The following EMCN variants were observed in gnomAD, a reference collection of about 807,000 sequenced individuals.
EMCN encodes endomucin, also known as MUC-14.
In EMCN, 37 loss-of-function variants were observed where a neutral mutation model predicts 38.4. The observed-to-expected ratio is 0.96, with a 90% CI of 0.74 to 1.27. The LOEUF (loss-of-function observed/expected upper bound fraction) is 1.27. EMCN is among the 50% of genes most tolerant of loss of function. The pLI is 0.00. For synonymous variants in EMCN, 95 were observed against 100.8 expected, an observed-to-expected ratio of 0.94 and a Z score of 0.35; for missense variants, 318 against 302.8, an observed-to-expected ratio of 1.05 and a Z score of -0.37.
chr4:100,410,974 C>T (rs375916549), intron 10 of EMCN, among the ~76,000 whole-genome samples: 23 of 152,272 alleles, frequency 1.5e-4, no homozygotes, highest in Non-Finnish European at 2.9e-4. Flanking sequence ...CAATATATTT[C>T]GCATTACTTG....
intron 10 of EMCN, among the ~76,000 whole-genome samples, chr4:100,414,505 G>T (rs1435511941): frequency 1.3e-5 from 2 of 151,748 alleles, no homozygotes; most frequent in Non-Finnish European, 2.9e-5. Flanking sequence ...CCCTTCAGAT[G>T]GTTCCTCCTG....
At position 100,395,689 on chromosome 4, in the gene EMCN, C is replaced by T. The variant is rs1726102784; in HGVS notation, c.*2724G>A. ...TTCATCATCGAAGGTTTGACTATGT[C>T]CTCGGTTGATACTCATAAATTTAAA... On this transcript the variant is annotated 3_prime_UTR_variant, in exon 12 of 12. Coordinates refer to ENST00000296420, the MANE Select transcript of EMCN (RefSeq NM_016242.4). 6.6e-6 allele frequency: 1 copy of T among 152,064 alleles called. No homozygotes were observed. Among genetic ancestry groups the T allele is most frequent in the Non-Finnish European group, 1.5e-5 (1 of 68,004 alleles). 9.4% of individuals were successfully genotyped at this position (152,064 alleles called of 1,614,324 possible).
intron 11 of EMCN, 106 bp downstream of exon 11, chr4:100,410,176 C>A (rs746967839): frequency 9.7e-5 from 81 of 832,982 alleles, no homozygotes; most frequent in Non-Finnish European, 1.5e-4. Flanking sequence ...TGACACAAAC[C>A]ATTAGCTTTC....
intron 4 of EMCN, among the ~76,000 whole-genome samples, chr4:100,460,127 A>T (rs1454658146): frequency 1.3e-5 from 2 of 152,154 alleles, no homozygotes; most frequent in African/African-American, 4.8e-5. Flanking sequence ...TCTAACAGGT[A>T]TGAGGTGATA....
intron 3 of EMCN, chr4:100,473,851 C>T (rs767288519): frequency 2.6e-5 from 4 of 153,080 alleles, no homozygotes; most frequent in Non-Finnish European, 5.9e-5. Flanking sequence ...GTCATCTTCT[C>T]TTATTCTACA....
intron 3 of EMCN, among the ~76,000 whole-genome samples, chr4:100,472,683 A>G (rs1313029091): frequency 1.3e-5 from 2 of 152,072 alleles, no homozygotes; most frequent in Non-Finnish European, 1.5e-5. Flanking sequence ...AATCTTGGAT[A>G]AAAAAGAAAA....
In EMCN at chr4:100,496,109, T is replaced by A. The variant is rs74803135; in HGVS notation, c.65-16070A>T. Among the ~76,000 whole-genome samples the A allele has an allele frequency of 2.9e-3, 442 of 152,274 alleles. 4 individuals carry two copies. Among genetic ancestry groups the A allele is most frequent in the African/African-American group, 0.01 (424 of 41,574 alleles). On this transcript the variant is annotated intron_variant, in intron 1 of 11. Transcript: ENST00000296420. The stretch of plus-strand genomic sequence containing the variant: ...GACCTCAGTAGTGTTCAATGCTGAA[T>A]AAATATGGATTTATGATTTTTGTTT...
chr4:100,478,947 G>T (rs185492227), intron 2 of EMCN, among the ~76,000 whole-genome samples: 38 of 152,158 alleles, frequency 2.5e-4, no homozygotes, highest in Non-Finnish European at 5.0e-4. Context: ...TTCTGCTATG[G>T]AGGGCCCCAA....
rs181315608 is a variant in EMCN at position 100,485,242 on chromosome 4, T to C, written c.65-5203A>G. 1.5e-3 allele frequency among the ~76,000 whole-genome samples: 234 copies of C among 152,290 alleles called. 2 individuals are homozygous for C. The highest frequency in any genetic ancestry group is 1.2e-3 in the East Asian group (6 of 5,188). On this transcript the variant is annotated intron_variant, in intron 1 of 11. Transcript: ENST00000296420. ...GTCTTATTTCTACAAATTTATATGG[T>C]CTTCATGCATTGCTACCTTGTATTT... is the stretch of plus-strand genomic sequence containing the variant.
chr4:100,444,313 G>C (rs72690400), intron 5 of EMCN, among the ~76,000 whole-genome samples: 1 of 152,156 alleles, frequency 6.6e-6, no homozygotes, highest in Non-Finnish European at 1.5e-5. Flanking sequence ...TGTGGGGTAC[G>C]GTACTACATT....
At chr4:100,444,646 C>A (rs951576998) in intron 5 of EMCN, among the ~76,000 whole-genome samples, 1 of 152,092 alleles carries the variant, frequency 6.6e-6, no homozygotes. Context: ...GAAGTAGTAG[C>A]AGCTTGGCTG....
intron 1 of EMCN, among the ~76,000 whole-genome samples, chr4:100,512,762 TACC>T (rs1289754081): frequency 6.9e-6 from 1 of 145,564 alleles, no homozygotes; most frequent in African/African-American, 2.6e-5. Flanking sequence ...GCCAATATCA[TACC>T]GTTGCACTCC....
intron 5 of EMCN, among the ~76,000 whole-genome samples, chr4:100,431,897 A>C (rs1416069123): frequency 6.6e-6 from 1 of 151,960 alleles, no homozygotes; most frequent in African/African-American, 2.4e-5. Context: ...TTCCCCAGAA[A>C]ATTAAGGGTT....
At chr4:100,412,025 T>G (rs1726576567) in intron 10 of EMCN, among the ~76,000 whole-genome samples, 1 of 151,898 alleles carries the variant, frequency 6.6e-6, no homozygotes. Flanking sequence ...ACTTAATGAG[T>G]AATTGCCATA....
chr4:100,498,381 T>C (rs1476669802), intron 1 of EMCN, among the ~76,000 whole-genome samples: 1 of 152,120 alleles, frequency 6.6e-6, no homozygotes, highest in African/African-American at 2.4e-5. Context: ...ACAAAGTAAC[T>C]CTCTTGGAGA....
At chr4:100,472,303 T>A (rs1728499453) in intron 3 of EMCN, among the ~76,000 whole-genome samples, 1 of 151,702 alleles carries the variant, frequency 6.6e-6, no homozygotes, top group African/African-American at 2.4e-5. Context: ...TAAATTATAT[T>A]TCTATATAGT....
At chr4:100,472,755 A>G (rs1728510587) in intron 3 of EMCN, among the ~76,000 whole-genome samples, 1 of 152,042 alleles carries the variant, frequency 6.6e-6, no homozygotes, top group South Asian at 2.1e-4. Context: ...AATCAAGAGT[A>G]TATGATTCTG....
At chr4:100,459,168 GCTCTCTCTCTCTCTCTCTCTCTCTCTCT>G (rs70958363) in intron 4 of EMCN, among the ~76,000 whole-genome samples, 5,235 of 132,922 alleles carry the variant, frequency 0.039, 147 homozygotes, top group Non-Finnish European at 0.055. Flanking sequence ...GCCCTCAGAT[GCTCTCTCTCTCTCTCTCTCTCTCTCTCT>G]CTCTCTCTCT....
chr4:100,456,337 T>C (rs920508532), intron 4 of EMCN, among the ~76,000 whole-genome samples: 1 of 152,222 alleles, frequency 6.6e-6, no homozygotes, highest in African/African-American at 2.4e-5. Context: ...TTCCTACTCA[T>C]ATTTTTATTG....
Sources: allele counts gnomAD v4.1 joint callset (sites outside exome capture counted in the v4.1 genomes callset), GRCh38; gene constraint gnomAD v4.1.1; transcripts MANE v1.5; gene names NCBI Gene and HGNC (gene_info 2026-07-23, HGNC 2026-07-21).